The following SH3GL2 variants were observed in gnomAD, a reference collection of about 807,000 sequenced individuals.
SH3GL2 encodes SH3 domain containing GRB2 like 2, endophilin A1.
SH3GL2 carries 24 observed loss-of-function variants against 46.0 expected under a neutral mutation model. The ratio of observed to expected loss-of-function variants is 0.52; its 90% confidence interval spans 0.38 to 0.73. The LOEUF (loss-of-function observed/expected upper bound fraction) is 0.73, where lower values mean the gene tolerates loss of function less well. SH3GL2 is among the 30% of genes least tolerant of loss of function. The pLI, the probability that SH3GL2 is intolerant of heterozygous loss-of-function variation, is 0.00. For missense variants in SH3GL2, 413 were observed against 424.2 expected, an observed-to-expected ratio of 0.97 and a Z score of 0.23; for synonymous variants, 196 against 147.1, an observed-to-expected ratio of 1.33 and a Z score of -2.40.
rs150993859 is a variant in SH3GL2, at chr9:17,794,736, T to G, written c.860-808T>G. On this transcript the variant is annotated intron_variant, in intron 8 of 8. Coordinates refer to ENST00000380607, the MANE Select transcript of SH3GL2 (RefSeq NM_003026.5). ...GAATAGATCCCTCTTAAGATATGAT[T>G]TCATCCTTCATTATTTTACTCAAGG... Among the ~76,000 whole-genome samples, 504 of 152,348 alleles carry G rather than the reference T, an allele frequency of 3.3e-3. 3 individuals are homozygous for G. The highest frequency in any genetic ancestry group is 0.012 in the African/African-American group (482 of 41,586).
intron 6 of SH3GL2, chr9:17,790,500 C>T (rs1430831551): frequency 3.0e-6 from 2 of 669,860 alleles, no homozygotes; most frequent in East Asian, 1.4e-4. Flanking sequence ...AACTTGTGTC[C>T]ACCTAACTCC....
At chr9:17,672,212 G>A (rs1272149456) in intron 1 of SH3GL2, among the ~76,000 whole-genome samples, 1 of 152,190 alleles carries the variant, frequency 6.6e-6, no homozygotes, top group African/African-American at 2.4e-5. Context: ...AGATATGTAT[G>A]TAGTGTGGTT....
At chr9:17,755,525 C>G (rs1192458639) in intron 2 of SH3GL2, among the ~76,000 whole-genome samples, 1 of 152,114 alleles carries the variant, frequency 6.6e-6, no homozygotes, top group Admixed American at 6.6e-5. Context: ...TAGTCTTGAA[C>G]TCCTGGCCTT....
chr9:17,715,886 T>G (rs1039989677), intron 1 of SH3GL2, among the ~76,000 whole-genome samples: 1 of 152,100 alleles, frequency 6.6e-6, no homozygotes, highest in Non-Finnish European at 1.5e-5. Context: ...AAGCCTATTT[T>G]GTAAGAAAGT....
intron 1 of SH3GL2, among the ~76,000 whole-genome samples, chr9:17,679,005 A>C (rs1052867198): frequency 6.6e-6 from 1 of 152,122 alleles, no homozygotes; most frequent in African/African-American, 2.4e-5. Flanking sequence ...CTATTTTGGT[A>C]CCAGTACCAT....
chr9:17,642,726 A>G (rs1006642201), intron 1 of SH3GL2, among the ~76,000 whole-genome samples: 1 of 152,138 alleles, frequency 6.6e-6, no homozygotes, highest in Non-Finnish European at 1.5e-5. Context: ...CTGTTTTGGT[A>G]TGAGTACCAT....
chr9:17,593,712 C>G (rs1255722908), intron 1 of SH3GL2, among the ~76,000 whole-genome samples: 2 of 152,134 alleles, frequency 1.3e-5, no homozygotes, highest in Non-Finnish European at 2.9e-5. Context: ...TTGTTTAGAG[C>G]AGCACTGAGT....
rs190240850 is a variant in SH3GL2, at chr9:17,730,869, A to G, written c.46-16197A>G. Among the ~76,000 whole-genome samples the G allele has an allele frequency of 3.7e-3, 556 of 152,218 alleles. 6 individuals carry two copies. The highest frequency in any genetic ancestry group is 0.011 in the African/African-American group (451 of 41,556). On this transcript the variant is annotated intron_variant, in intron 1 of 8. Transcript: ENST00000380607. Reference sequence around the variant, plus strand: ...TTCAGAAAATTAAATCTCACTGAAGATTTCAATATGCTGTGTAAGGAGAGG... The same window carrying G: ...TTCAGAAAATTAAATCTCACTGAAGGTTTCAATATGCTGTGTAAGGAGAGG...
At chr9:17,664,453 T>C (rs979757962) in intron 1 of SH3GL2, among the ~76,000 whole-genome samples, 1 of 152,124 alleles carries the variant, frequency 6.6e-6, no homozygotes, top group African/African-American at 2.4e-5. Context: ...CTCTTTGCCT[T>C]AGTTTTTTGC....
chr9:17,709,002 A>G (rs565970648), intron 1 of SH3GL2, among the ~76,000 whole-genome samples: 1 of 152,094 alleles, frequency 6.6e-6, no homozygotes, highest in Non-Finnish European at 1.5e-5. Flanking sequence ...CTGTTCAGCA[A>G]TTGATTTTGT....
At chr9:17,718,314 T>C (rs1821810387) in intron 1 of SH3GL2, among the ~76,000 whole-genome samples, 1 of 152,132 alleles carries the variant, frequency 6.6e-6, no homozygotes, top group African/African-American at 2.4e-5. Flanking sequence ...TTGCCAACGA[T>C]ATGAAAAACA....
At chr9:17,734,953 G>A (rs768013467) in intron 1 of SH3GL2, among the ~76,000 whole-genome samples, 1 of 151,980 alleles carries the variant, frequency 6.6e-6, no homozygotes, top group Non-Finnish European at 1.5e-5. Flanking sequence ...GAACTTTATG[G>A]GATATAAATG....
At chr9:17,697,774 G>A (rs544967359) in intron 1 of SH3GL2, among the ~76,000 whole-genome samples, 1 of 152,178 alleles carries the variant, frequency 6.6e-6, no homozygotes, top group African/African-American at 2.4e-5. Flanking sequence ...TAGTTTTGCA[G>A]AAGCAGAAAA....
intron 1 of SH3GL2, among the ~76,000 whole-genome samples, chr9:17,648,467 C>G (rs112046146): frequency 0.02 from 3,013 of 152,230 alleles, 45 homozygotes; most frequent in African/African-American, 0.042. Flanking sequence ...TTGGCTTTGT[C>G]TATCTTTTGG....
chr9:17,698,030 C>G (rs760602986), intron 1 of SH3GL2, among the ~76,000 whole-genome samples: 1 of 152,146 alleles, frequency 6.6e-6, no homozygotes, highest in Non-Finnish European at 1.5e-5. Flanking sequence ...TTTCCTGTAG[C>G]TAGTCTTTTA....
At chr9:17,666,035 C>T (rs1005682456) in intron 1 of SH3GL2, among the ~76,000 whole-genome samples, 3 of 151,246 alleles carry the variant, frequency 2.0e-5, no homozygotes, top group Non-Finnish European at 2.9e-5. Context: ...TCTTAATATA[C>T]CTACTTATTT....
At chr9:17,782,338 C>T (rs1197741843) in intron 3 of SH3GL2, among the ~76,000 whole-genome samples, 17 of 152,082 alleles carry the variant, frequency 1.1e-4, no homozygotes, top group Admixed American at 6.6e-4. Flanking sequence ...AGCACGTGAT[C>T]ACTTTTTGTC....
chr9:17,642,122 T>A (rs1819700240), intron 1 of SH3GL2, among the ~76,000 whole-genome samples: 1 of 152,130 alleles, frequency 6.6e-6, no homozygotes. Context: ...GATGATGAGC[T>A]TTTTTCATAT....
intron 1 of SH3GL2, among the ~76,000 whole-genome samples, chr9:17,688,034 A>C (rs1025029922): frequency 2.6e-5 from 4 of 152,090 alleles, no homozygotes; most frequent in African/African-American, 9.7e-5. Context: ...CTCTTTTTCT[A>C]GTATACAAGT....
Sources: allele counts gnomAD v4.1 joint callset (sites outside exome capture counted in the v4.1 genomes callset), GRCh38; gene constraint gnomAD v4.1.1; transcripts MANE v1.5; gene names NCBI Gene and HGNC (gene_info 2026-07-23, HGNC 2026-07-21).